Variants in TPGS2 observed in about 807,000 individuals in gnomAD.
TPGS2 encodes tubulin polyglutamylase complex subunit 2.
Under a neutral mutation model 31.1 loss-of-function variants are expected in TPGS2, and 26 were observed. The ratio of observed to expected loss-of-function variants is 0.84; its 90% CI spans 0.61 to 1.16. The LOEUF (loss-of-function observed/expected upper bound fraction) is 1.16, where lower values mean the gene tolerates loss of function less well. Among genes scored for constraint, TPGS2 ranks in the 50% most tolerant of loss-of-function variants. The pLI, the probability that TPGS2 is intolerant of heterozygous loss-of-function variation, is 0.00. For synonymous variants in TPGS2, 130 were observed against 136.6 expected (o/e 0.95, Z 0.34); for missense variants, 351 against 363.8 (o/e 0.96, Z 0.29).
chr18:36,812,646 A>G (rs2045482755), intron 2 of TPGS2, among the ~76,000 whole-genome samples: 1 of 152,192 alleles, frequency 6.6e-6, no homozygotes, highest in Non-Finnish European at 1.5e-5. Flanking sequence ...CCACTCTAGC[A>G]AATTAATTGA....
downstream of TPGS2, among the ~76,000 whole-genome samples, chr18:36,791,697 T>C (rs551517191): frequency 1.2e-4 from 18 of 152,262 alleles, no homozygotes; most frequent in African/African-American, 3.8e-4. Context: ...AGAGAATGCA[T>C]GGCTGGAAAA....
chr18:36,828,799 G>A lies in TPGS2; in HGVS notation c.-32C>T. 3 of 1,609,356 alleles carry A rather than the reference G, an allele frequency of 1.9e-6. No homozygotes were observed. The highest frequency in any genetic ancestry group is 2.5e-6 in the Non-Finnish European group (3 of 1,177,956). On this transcript the variant is annotated 5_prime_UTR_variant, in exon 1 of 7. Transcript: ENST00000334295. ...CGACCGCGATTCGCGCGCGGCGGGAGCGGGTGGAGGGCCGGACCCCGCCTC... is the reference window on the plus strand; with the variant it reads ...CGACCGCGATTCGCGCGCGGCGGGAACGGGTGGAGGGCCGGACCCCGCCTC...
chr18:36,820,096 C>A (rs1216229697), intron 1 of TPGS2, among the ~76,000 whole-genome samples: 1 of 152,160 alleles, frequency 6.6e-6, no homozygotes, highest in Non-Finnish European at 1.5e-5. Context: ...TCCAAGTTGC[C>A]AGAAACTCAA....
At position 36,805,605 on chromosome 18, in the gene TPGS2, C is replaced by G. The variant is rs547047462; in HGVS notation, c.254-103G>C. 22 of 1,494,536 alleles carry G rather than the reference C, an allele frequency of 1.5e-5. No individual in the cohort carries two copies. The African/African-American group carries it at 3.0e-4, about 21-fold the overall frequency. The allele number at this position is 1,494,536 out of a possible 1,614,324, so 92.6% of individuals were successfully genotyped here. A position where few individuals can be genotyped will look rare whatever the true frequency, so the allele number is the denominator to read the frequency against. On this transcript the variant is annotated intron_variant, in intron 3 of 6. Coordinates refer to ENST00000334295, the MANE Select transcript of TPGS2 (RefSeq NM_015476.4). ...TAACCTAAGCCCAGGTATTGTTTCG[C>G]CCCATGGCTGACGAATCTGATGGAA...
chr18:36,806,850 TAAAAAA>T (rs397962723), intron 3 of TPGS2, among the ~76,000 whole-genome samples: 542 of 37,288 alleles, frequency 0.015, 9 homozygotes, highest in African/African-American at 0.08. Flanking sequence ...GACTCCATCT[TAAAAAA>T]AAAAAAAAAA....
At chr18:36,801,044 T>A (rs2044787902) in intron 4 of TPGS2, among the ~76,000 whole-genome samples, 1 of 152,222 alleles carries the variant, frequency 6.6e-6, no homozygotes, top group African/African-American at 2.4e-5. Flanking sequence ...TCATTCTTTT[T>A]AAATGACTAT....
downstream of TPGS2, among the ~76,000 whole-genome samples, chr18:36,790,426 C>G (rs184333263): frequency 6.6e-6 from 1 of 152,122 alleles, no homozygotes; most frequent in South Asian, 2.1e-4. Flanking sequence ...TCATAATGCT[C>G]GCTACATTTA....
At chr18:36,818,416 A>C (rs2045753690) in intron 2 of TPGS2, 1 of 152,394 alleles carries the variant, frequency 6.6e-6, no homozygotes, top group Non-Finnish European at 1.5e-5. Context: ...AAAAAAAAAA[A>C]AAATATTACC....
chr18:36,793,495 AT>A (rs2044385311), downstream of TPGS2, among the ~76,000 whole-genome samples: 3 of 152,194 alleles, frequency 2.0e-5, no homozygotes, highest in African/African-American at 7.2e-5. Flanking sequence ...TGAATGACCT[AT>A]GTCATTCATG....
downstream of TPGS2, among the ~76,000 whole-genome samples, chr18:36,793,600 T>A (rs543328508): frequency 1.3e-5 from 2 of 152,304 alleles, no homozygotes; most frequent in East Asian, 3.9e-4. Context: ...CAGTAACAGT[T>A]GAGTTAGTTT....
chr18:36,791,452 G>A (rs2044307062), downstream of TPGS2, among the ~76,000 whole-genome samples: 1 of 152,064 alleles, frequency 6.6e-6, no homozygotes, highest in African/African-American at 2.4e-5. Context: ...GGTGGAGGTG[G>A]ACTGGAGCTG....
intron 5 of TPGS2, among the ~76,000 whole-genome samples, chr18:36,798,961 A>G (rs1338218904): frequency 6.6e-6 from 1 of 152,154 alleles, no homozygotes; most frequent in Non-Finnish European, 1.5e-5. Flanking sequence ...CTGTGGTCTC[A>G]GCTTTCCTGA....
chr18:36,821,415 C>T (rs72885224), intron 1 of TPGS2, among the ~76,000 whole-genome samples: 18,409 of 152,042 alleles, frequency 0.12, 1,380 homozygotes, highest in Admixed American at 0.17. Flanking sequence ...CTGGGAGAGA[C>T]AGTTAATTGT....
chr18:36,808,067 A>G lies in TPGS2; in HGVS notation c.166-133T>C, dbSNP rs2045250034. 15 of 848,586 alleles carry G rather than the reference A, an allele frequency of 1.8e-5. No homozygotes were observed. In the South Asian group the frequency reaches 2.5e-4, roughly 14 times the overall value. 52.6% of individuals were successfully genotyped at this position (848,586 alleles called of 1,614,324 possible). A position where few individuals can be genotyped will look rare whatever the true frequency, so the allele number is the denominator to read the frequency against. ...AGGAAGGCTCTGATAGTCACCTACA[A>G]AACTCTATTAGAGAGGCACTGGGGT... On this transcript the variant is annotated intron_variant, in intron 2 of 6. Transcript: ENST00000334295.
In TPGS2 at chr18:36,828,843, A is replaced by G. The variant is rs2046331779; in HGVS notation, c.-76T>C. Reference sequence around the variant, plus strand: ...CCGCCTCAGCGCCGAGGCCAATTTCATGGCATGCCGGGAACGGTAGTTCTC... The same window carrying G: ...CCGCCTCAGCGCCGAGGCCAATTTCGTGGCATGCCGGGAACGGTAGTTCTC... On this transcript the variant is annotated 5_prime_UTR_variant, in exon 1 of 7. The change abolishes an upstream ATG in the 5' untranslated region. Transcript: ENST00000334295. 8.5e-6 allele frequency: 13 copies of G among 1,532,674 alleles called. No individual in the cohort carries two copies. In the Admixed American group the frequency reaches 8.6e-5, roughly 10 times the overall value. The allele number at this position is 1,532,674 out of a possible 1,614,324, so 94.9% of individuals were successfully genotyped here.
At chr18:36,780,390 AACTC>A (rs1567984671), downstream of TPGS2, among the ~76,000 whole-genome samples, 2 of 152,254 alleles carry the variant, frequency 1.3e-5, no homozygotes, top group African/African-American at 4.8e-5. Context: ...ACTATTCCAC[AACTC>A]ACTCATTGGC....
chr18:36,828,670 C>T lies in TPGS2; in HGVS notation c.85+13G>A, dbSNP rs1429718634. The stretch of plus-strand genomic sequence containing the variant: ...CCTCCACACCCTCTCGGCACCGTGC[C>T]CCCTTTCCTCACCTAGGATGCGCGT... On this transcript the variant is annotated intron_variant, in intron 1 of 6. Transcript: ENST00000334295. 1.2e-6 allele frequency: 2 copies of T among 1,613,990 alleles called. No individual in the cohort carries two copies. Among genetic ancestry groups the T allele is most frequent in the Non-Finnish European group, 1.7e-6 (2 of 1,179,906 alleles).
At chr18:36,792,335 T>C (rs577894974), downstream of TPGS2, among the ~76,000 whole-genome samples, 5 of 152,262 alleles carry the variant, frequency 3.3e-5, no homozygotes, top group Middle Eastern at 3.4e-3. Flanking sequence ...TGGTCATGAG[T>C]TGACAATTGA....
chr18:36,784,467 C>G (rs2044085272), intron 6 of TPGS2, among the ~76,000 whole-genome samples: 1 of 152,096 alleles, frequency 6.6e-6, no homozygotes, highest in East Asian at 1.9e-4. Context: ...ACCAAATTGC[C>G]TAAGATAGGG....
Sources: gnomAD v4.1 joint callset for allele counts (sites outside exome capture counted in the v4.1 genomes callset) on GRCh38, gnomAD v4.1.1 for gene constraint, MANE v1.5 for transcripts, NCBI Gene and HGNC (gene_info 2026-07-23, HGNC 2026-07-21) for gene names.